GOLGA5: variants seen among roughly 807,000 people sequenced by gnomAD.
The protein encoded by GOLGA5 is golgin A5.
In GOLGA5, 50 loss-of-function variants were observed where a neutral mutation model predicts 93.5. That is an observed-to-expected ratio of 0.53 (90% CI 0.43 to 0.68). The LOEUF is 0.68. Among genes scored for constraint, GOLGA5 ranks in the 30% least tolerant of loss-of-function variants. GOLGA5 has a pLI of 0.00. For missense variants in GOLGA5, 760 were observed against 856.4 expected, an observed-to-expected ratio of 0.89 and a Z score of 1.40; for synonymous variants, 312 against 304.5, an observed-to-expected ratio of 1.02 and a Z score of -0.26.
rs1317157969 is a variant in GOLGA5 at position 92,809,537 on chromosome 14, T to A, written c.992+18T>A. The A allele has an allele frequency of 4.0e-6, 6 of 1,498,368 alleles. No individual in the cohort carries two copies. The highest frequency in any genetic ancestry group is 3.5e-5 in the Admixed American group (2 of 57,558). The allele number at this position is 1,498,368 out of a possible 1,614,324, so 92.8% of individuals were successfully genotyped here. A position where few individuals can be genotyped will look rare whatever the true frequency, so the allele number is the denominator to read the frequency against. ...AAATCACGGTAGGTGATTCTATGAA[T>A]AATGAAAAAAATGAGCAAGTAATGG... On this transcript the variant is annotated intron_variant, in intron 4 of 12. Transcript: ENST00000163416.
chr14:92,802,420 A>G (rs2140313564), intron 2 of GOLGA5, among the ~76,000 whole-genome samples: 1 of 152,246 alleles, frequency 6.6e-6, no homozygotes, highest in South Asian at 2.1e-4. Context: ...ATTTTCAACA[A>G]CACAATTATC....
chr14:92,795,673 A>G (rs1884710123), intron 1 of GOLGA5, among the ~76,000 whole-genome samples: 1 of 152,208 alleles, frequency 6.6e-6, no homozygotes, highest in Non-Finnish European at 1.5e-5. Flanking sequence ...GGTGAGCAAA[A>G]CAGACATAAT....
At chr14:92,813,271 G>A (rs186129728) in intron 6 of GOLGA5, among the ~76,000 whole-genome samples, 1 of 152,192 alleles carries the variant, frequency 6.6e-6, no homozygotes, top group Non-Finnish European at 1.5e-5. Flanking sequence ...AGGCACAGAG[G>A]ATACAAAGCT....
chr14:92,835,722 G>C, intron 11 of GOLGA5, 58 bp downstream of exon 11: 1 of 1,006,470 alleles, frequency 9.9e-7, no homozygotes. Context: ...CGTTTTTCAG[G>C]GTTTCAATCA....
intron 7 of GOLGA5, among the ~76,000 whole-genome samples, chr14:92,817,169 G>A (rs1343276875): frequency 6.6e-6 from 1 of 152,076 alleles, no homozygotes; most frequent in Non-Finnish European, 1.5e-5. Flanking sequence ...TTGAACTCCT[G>A]ACCTCAAGTG....
rs139844534 is a variant in GOLGA5 at position 92,803,490 on chromosome 14, G to A, written c.545-3246G>A. ...GACTGAGATTATTTATTTCCTGAACGTTTGCTAGAACTCTGTGCTAAAACC... is the reference window on the plus strand; with the variant it reads ...GACTGAGATTATTTATTTCCTGAACATTTGCTAGAACTCTGTGCTAAAACC... On this transcript the variant is annotated intron_variant, in intron 2 of 12. Coordinates refer to ENST00000163416, the MANE Select transcript of GOLGA5 (RefSeq NM_005113.4). Among the ~76,000 whole-genome samples the A allele has an allele frequency of 2.7e-3, 410 of 152,204 alleles. 1 individual carries two copies. Among genetic ancestry groups the A allele is most frequent in the African/African-American group, 9.2e-3 (381 of 41,516 alleles).
At chr14:92,819,464 T>TA (rs57978535) in intron 7 of GOLGA5, among the ~76,000 whole-genome samples, 10,806 of 134,450 alleles carry the variant, frequency 0.08, 418 homozygotes, top group Middle Eastern at 0.14. Flanking sequence ...TCCCATCTCT[T>TA]AAAAAAAAAA....
intron 10 of GOLGA5, among the ~76,000 whole-genome samples, chr14:92,834,123 A>G (rs908745768): frequency 4.0e-5 from 6 of 151,152 alleles, no homozygotes; most frequent in African/African-American, 9.7e-5. Context: ...AATTAATAAA[A>G]TTTTCCTGAC....
intron 6 of GOLGA5, among the ~76,000 whole-genome samples, chr14:92,815,646 G>C (rs889190538): frequency 6.6e-6 from 1 of 151,530 alleles, no homozygotes; most frequent in Non-Finnish European, 1.5e-5. Context: ...AGACCGGCCT[G>C]GGCAACATAG....
At chr14:92,812,212 T>G (rs955752543) in intron 6 of GOLGA5, among the ~76,000 whole-genome samples, 4 of 152,220 alleles carry the variant, frequency 2.6e-5, no homozygotes, top group African/African-American at 4.8e-5. Flanking sequence ...GAATTCTCTT[T>G]CCTTTGTCCC....
At position 92,797,525 on chromosome 14, in the gene GOLGA5, G is replaced by C. The variant is rs1239057719; in HGVS notation, c.88G>C (p.Asp30His). Residue 30 changes from aspartate (D) to histidine (H), a missense_variant, in exon 2 of 13, where the codon GAC becomes CAC. By Grantham distance (81) the Asp-to-His change is moderately conservative (BLOSUM62 -1). Coordinates refer to ENST00000163416, the MANE Select transcript of GOLGA5 (RefSeq NM_005113.4). ...QGAATALSRK[D>H]NASNIYSKNT... ...GGCTGCAACAGCTCTCAGTAGGAAA[G>C]ACAATGCCAGCAACATATATAGCAA... 6.2e-7 allele frequency: 1 copy of C among 1,613,258 alleles called. No homozygotes were observed. The highest frequency in any genetic ancestry group is 1.7e-5 in the Admixed American group (1 of 60,020).
At chr14:92,795,224 C>A (rs1884699085) in intron 1 of GOLGA5, among the ~76,000 whole-genome samples, 1 of 152,108 alleles carries the variant, frequency 6.6e-6, no homozygotes, top group Admixed American at 6.5e-5. Flanking sequence ...CAGGCGTGAG[C>A]CACAGTGCCT....
At position 92,796,927 on chromosome 14, in the gene GOLGA5, G is replaced by A. The variant is rs1367242839; in HGVS notation, c.-30-481G>A. Among the ~76,000 whole-genome samples, 2 of 107,744 alleles carry A rather than the reference G, an allele frequency of 1.9e-5. 1 individual carries two copies. The highest frequency in any genetic ancestry group is 3.5e-5 in the Non-Finnish European group (2 of 57,304). 70.7% of individuals were successfully genotyped at this position (107,744 alleles called of 152,430 possible). On this transcript the variant is annotated intron_variant, in intron 1 of 12. Coordinates refer to ENST00000163416, the MANE Select transcript of GOLGA5 (RefSeq NM_005113.4). ...GGAGCTTGCAGTGAGCCGAGATTGCGCCACTGCAGTCCGCAGTCCGGCCTG... is the reference window on the plus strand; with the variant it reads ...GGAGCTTGCAGTGAGCCGAGATTGCACCACTGCAGTCCGCAGTCCGGCCTG...
At position 92,801,520 on chromosome 14, in the gene GOLGA5, TATTCTAA is replaced by T. The variant is rs1211737056; in HGVS notation, c.544+3552_544+3558del. On this transcript the variant is annotated intron_variant, in intron 2 of 12. Coordinates refer to ENST00000163416, the MANE Select transcript of GOLGA5 (RefSeq NM_005113.4). Reference sequence around the variant, plus strand: ...TCTTGATTCATAGACATTCTTTATATATTCTAAATTCTAAATTCTTTTCCTCCTCCAG... The same window carrying T: ...TCTTGATTCATAGACATTCTTTATATATTCTAAATTCTTTTCCTCCTCCAG... Among the ~76,000 whole-genome samples, 12 of 152,254 alleles carry T rather than the reference TATTCTAA, an allele frequency of 7.9e-5. No individual in the cohort carries two copies. In the East Asian group the frequency reaches 2.3e-3, roughly 29 times the overall value.
Position 92,811,497 on chromosome 14 carries a change from A to C in GOLGA5, c.1117-54A>C, listed in dbSNP as rs1461473477. 7 of 1,187,338 alleles carry C rather than the reference A, an allele frequency of 5.9e-6. No individual in the cohort carries two copies. The African/African-American group carries it at 1.1e-4, about 18-fold the overall frequency. The allele number at this position is 1,187,338 out of a possible 1,614,324, so 73.6% of individuals were successfully genotyped here. A position where few individuals can be genotyped will look rare whatever the true frequency, so the allele number is the denominator to read the frequency against. ...AGATATCCGAATGGATGGTTGTAAA[A>C]TATGTTTCAAAGCTAAATGATATCA... On this transcript the variant is annotated intron_variant, in intron 5 of 12. Coordinates refer to ENST00000163416, the MANE Select transcript of GOLGA5 (RefSeq NM_005113.4).
chr14:92,803,646 G>A (rs1884921274), intron 2 of GOLGA5, among the ~76,000 whole-genome samples: 1 of 152,144 alleles, frequency 6.6e-6, no homozygotes, highest in African/African-American at 2.4e-5. Context: ...TACACATTTT[G>A]AGGGGTTATA....
chr14:92,835,785 G>T, intron 11 of GOLGA5, 121 bp downstream of exon 11: 1 of 542,498 alleles, frequency 1.8e-6, no homozygotes, highest in Non-Finnish European at 3.4e-6. Flanking sequence ...CTCCTTTCAA[G>T]ATATTTTATA....
chr14:92,802,827 A>G (rs985601984), intron 2 of GOLGA5, among the ~76,000 whole-genome samples: 14 of 151,730 alleles, frequency 9.2e-5, no homozygotes, highest in Admixed American at 8.5e-4. Flanking sequence ...ATTCACATGT[A>G]TGATCATAGT....
At position 92,809,449 on chromosome 14, in the gene GOLGA5, C is replaced by T; in HGVS notation, c.922C>T (p.Leu308Phe). 1.2e-6 allele frequency: 2 copies of T among 1,613,946 alleles called. No homozygotes were observed. The highest frequency in any genetic ancestry group is 1.7e-6 in the Non-Finnish European group (2 of 1,179,914). ...CCAGCTGGCTGTACTGAAAGTGAGACTCCAGGAAGCTGACCAGCTACTGAG... is the reference window on the plus strand; with the variant it reads ...CCAGCTGGCTGTACTGAAAGTGAGATTCCAGGAAGCTGACCAGCTACTGAG... ...DSQLAVLKVR[L>F]QEADQLLSTR... Residue 308 changes from leucine to phenylalanine, a missense_variant, in exon 4 of 13, where the codon CTC (leucine) becomes TTC (phenylalanine). Physicochemically the swap from Leu to Phe is conservative, Grantham distance 22. Coordinates refer to ENST00000163416, the MANE Select transcript of GOLGA5 (RefSeq NM_005113.4).
Sources: allele counts gnomAD v4.1 joint callset (sites outside exome capture counted in the v4.1 genomes callset), GRCh38; gene constraint gnomAD v4.1.1; transcripts MANE v1.5; gene names NCBI Gene and HGNC (gene_info 2026-07-23, HGNC 2026-07-21).